TBCK: variants seen among roughly 807,000 people sequenced by gnomAD.
TBCK encodes TBC domain-containing protein kinase-like protein.
In TBCK, 99 loss-of-function variants were observed where a neutral mutation model predicts 113.4. The observed-to-expected ratio is 0.87, with a 90% CI of 0.74 to 1.03. The LOEUF (loss-of-function observed/expected upper bound fraction) is 1.03, where lower values mean the gene tolerates loss of function less well. Among genes scored for constraint, TBCK ranks in the 50% least tolerant of loss-of-function variants. TBCK has a pLI of 0.00. For missense variants in TBCK, 1,045 were observed against 1,061.3 expected (o/e 0.98, Z 0.21); for synonymous variants, 369 against 370.8 (o/e 1.00, Z 0.05).
At chr4:106,165,280 T>G (rs1750238084) in intron 23 of TBCK, among the ~76,000 whole-genome samples, 1 of 151,822 alleles carries the variant, frequency 6.6e-6, no homozygotes, top group South Asian at 2.1e-4. Flanking sequence ...GTTTTAGCTA[T>G]TTAAGAGAAA....
intron 23 of TBCK, among the ~76,000 whole-genome samples, chr4:106,123,361 G>T (rs1453572740): frequency 2.0e-5 from 3 of 152,102 alleles, no homozygotes; most frequent in Non-Finnish European, 4.4e-5. Flanking sequence ...CACTGCTCAA[G>T]GAAATAAAAG....
At chr4:106,088,890 G>A (rs980126037) in intron 25 of TBCK, among the ~76,000 whole-genome samples, 2 of 152,124 alleles carry the variant, frequency 1.3e-5, no homozygotes, top group African/African-American at 4.8e-5. Context: ...AGAACACATG[G>A]ACACAGAGAG....
intron 25 of TBCK, among the ~76,000 whole-genome samples, chr4:106,049,923 C>A (rs1354810123): frequency 6.6e-6 from 1 of 151,984 alleles, no homozygotes; most frequent in East Asian, 1.9e-4. Context: ...TAATGTGTAA[C>A]TAGCATTGAG....
chr4:106,264,881 G>A (rs1236721598), intron 3 of TBCK, among the ~76,000 whole-genome samples: 1 of 151,782 alleles, frequency 6.6e-6, no homozygotes, highest in Admixed American at 6.6e-5. Context: ...TCTTATTCTT[G>A]CCTTTAAACT....
intron 3 of TBCK, among the ~76,000 whole-genome samples, chr4:106,289,047 C>T (rs1765405901): frequency 6.6e-6 from 1 of 152,154 alleles, no homozygotes. Flanking sequence ...ACTTCTGGTC[C>T]CAAACATTAT....
chr4:106,179,292 T>C (rs1201921522), intron 22 of TBCK, among the ~76,000 whole-genome samples: 4 of 152,082 alleles, frequency 2.6e-5, no homozygotes, highest in East Asian at 1.9e-4. Flanking sequence ...AATGTTTTGT[T>C]TGTTCCTGCT....
At chr4:106,078,337 T>C (rs1324381780) in intron 25 of TBCK, among the ~76,000 whole-genome samples, 2 of 152,112 alleles carry the variant, frequency 1.3e-5, no homozygotes, top group Non-Finnish European at 2.9e-5. Context: ...AAAGTATCAA[T>C]GCCCCCAAAA....
intron 11 of TBCK, among the ~76,000 whole-genome samples, chr4:106,242,825 T>C (rs986968348): frequency 6.6e-6 from 1 of 151,060 alleles, no homozygotes. Context: ...AACTCGTCAT[T>C]TAGCATTAGG....
At chr4:106,219,617 T>C (rs1231237070) in intron 19 of TBCK, among the ~76,000 whole-genome samples, 2 of 152,102 alleles carry the variant, frequency 1.3e-5, no homozygotes, top group African/African-American at 2.4e-5. Flanking sequence ...CTAAACAAGA[T>C]AGTGCTAACA....
chr4:106,251,754 A>T, intron 6 of TBCK, 112 bp downstream of exon 6: 1 of 1,002,160 alleles, frequency 1.0e-6, no homozygotes. Context: ...TTCTCCTCAT[A>T]TGTAATTAAT....
chr4:106,223,933 G>T (rs1223566907), intron 19 of TBCK, among the ~76,000 whole-genome samples: 1 of 152,020 alleles, frequency 6.6e-6, no homozygotes, highest in African/African-American at 2.4e-5. Flanking sequence ...CTGAACCTTA[G>T]AATAATTTTA....
chr4:106,212,911 T>C, intron 19 of TBCK, 76 bp from the exon 20 acceptor site: 1 of 921,802 alleles, frequency 1.1e-6, no homozygotes, highest in Non-Finnish European at 1.7e-6. Flanking sequence ...TATAGTTTTA[T>C]TTATACATTG....
chr4:106,131,018 A>T (rs1443535127), intron 23 of TBCK, among the ~76,000 whole-genome samples: 2 of 152,140 alleles, frequency 1.3e-5, no homozygotes, highest in African/African-American at 4.8e-5. Context: ...TCTCACCTTG[A>T]ACTGTAGTAA....
chr4:106,161,785 G>A (rs1289390420), intron 23 of TBCK, among the ~76,000 whole-genome samples: 1 of 151,828 alleles, frequency 6.6e-6, no homozygotes, highest in African/African-American at 2.4e-5. Flanking sequence ...AAAGAGAGAA[G>A]TTTGGGCTGG....
intron 25 of TBCK, among the ~76,000 whole-genome samples, chr4:106,073,254 T>C (rs1263729473): frequency 2.0e-5 from 3 of 152,224 alleles, no homozygotes; most frequent in Non-Finnish European, 4.4e-5. Flanking sequence ...CTTTGGTCTT[T>C]GATGATGGTG....
chr4:106,282,375 CTAT>C (rs1193202370), intron 3 of TBCK, among the ~76,000 whole-genome samples: 1 of 151,384 alleles, frequency 6.6e-6, no homozygotes, highest in Admixed American at 6.6e-5. Context: ...CTAATATTTT[CTAT>C]TATTTCATTT....
chr4:106,109,858 G>A (rs958613816), intron 24 of TBCK, among the ~76,000 whole-genome samples: 7 of 152,264 alleles, frequency 4.6e-5, no homozygotes, highest in East Asian at 1.9e-4. Flanking sequence ...GGTCAGGGTG[G>A]TGGAAAAAAT....
At chr4:106,135,010 C>T (rs2149633464) in intron 23 of TBCK, among the ~76,000 whole-genome samples, 1 of 152,052 alleles carries the variant, frequency 6.6e-6, no homozygotes, top group Non-Finnish European at 1.5e-5. Context: ...AATTGGATCC[C>T]AAATGAAGCA....
chr4:106,070,728 G>A (rs542886177), intron 25 of TBCK, among the ~76,000 whole-genome samples: 26 of 152,128 alleles, frequency 1.7e-4, no homozygotes, highest in Middle Eastern at 3.4e-3. Context: ...GTACCCGCTC[G>A]TCTTTGTAAT....
Sources: gnomAD v4.1 joint callset for allele counts (sites outside exome capture counted in the v4.1 genomes callset) on GRCh38, gnomAD v4.1.1 for gene constraint, MANE v1.5 for transcripts, NCBI Gene and HGNC (gene_info 2026-07-23, HGNC 2026-07-21) for gene names.